The following GPR158 variants were observed in gnomAD, a reference collection of about 807,000 sequenced individuals.
The protein encoded by GPR158 is G protein-coupled receptor 158.
In GPR158, 30 loss-of-function variants were observed where a neutral mutation model predicts 78.2. The observed-to-expected ratio is 0.38, with a 90% CI of 0.29 to 0.52. GPR158 has a LOEUF of 0.52. Ranked by LOEUF, GPR158 falls within the 20% of genes least tolerant of loss-of-function variation. GPR158 has a pLI of 0.83. For synonymous variants in GPR158, 581 were observed against 591.1 expected, an observed-to-expected ratio of 0.98 and a Z score of 0.25; for missense variants, 1,463 against 1,523.5, an observed-to-expected ratio of 0.96 and a Z score of 0.66.
intron 2 of GPR158, among the ~76,000 whole-genome samples, chr10:25,228,798 A>G (rs773374815): frequency 3.3e-5 from 5 of 152,040 alleles, no homozygotes; most frequent in African/African-American, 4.8e-5. Context: ...TTGGGAGGCC[A>G]AGGCAGACGG....
intron 5 of GPR158, among the ~76,000 whole-genome samples, chr10:25,482,683 C>T (rs1835677609): frequency 6.6e-6 from 1 of 152,090 alleles, no homozygotes; most frequent in Non-Finnish European, 1.5e-5. Context: ...CCAACACCAC[C>T]CAAATTTATA....
At chr10:25,485,801 C>T (rs1202408453) in intron 5 of GPR158, among the ~76,000 whole-genome samples, 2 of 152,068 alleles carry the variant, frequency 1.3e-5, no homozygotes. Context: ...AGTGCTATCA[C>T]TAGGCTTTGG....
intron 1 of GPR158, among the ~76,000 whole-genome samples, chr10:25,199,106 A>G (rs1392460829): frequency 6.6e-6 from 1 of 150,996 alleles, no homozygotes; most frequent in African/African-American, 2.4e-5. Context: ...GTAGAGATCC[A>G]CTTTGGGCTC....
intron 4 of GPR158, among the ~76,000 whole-genome samples, chr10:25,421,912 T>C (rs1368599217): frequency 6.6e-6 from 1 of 152,232 alleles, no homozygotes; most frequent in Non-Finnish European, 1.5e-5. Context: ...TCACCACATT[T>C]AAGGAAATTG....
intron 2 of GPR158, among the ~76,000 whole-genome samples, chr10:25,312,350 A>G (rs80143199): frequency 1.3e-5 from 2 of 152,116 alleles, no homozygotes; most frequent in African/African-American, 4.8e-5. Flanking sequence ...AAAACATCAC[A>G]TTAAAATTAC....
intron 2 of GPR158, among the ~76,000 whole-genome samples, chr10:25,313,690 G>C (rs1854802713): frequency 6.6e-6 from 1 of 151,934 alleles, no homozygotes. Context: ...AATCTTATTT[G>C]GTCATGATGT....
intron 7 of GPR158, among the ~76,000 whole-genome samples, chr10:25,583,307 CACAG>C (rs576684669): frequency 3.9e-4 from 59 of 152,312 alleles, no homozygotes; most frequent in South Asian, 1.7e-3. Context: ...TTCCCAGCAG[CACAG>C]ACACTCAAAA....
chr10:25,393,959 C>T (rs1834335850), intron 2 of GPR158: 1 of 152,190 alleles, frequency 6.6e-6, no homozygotes, highest in South Asian at 2.1e-4. Context: ...ACAGCCCAGA[C>T]ATCTCTTCTA....
intron 7 of GPR158, among the ~76,000 whole-genome samples, chr10:25,588,301 C>A (rs924860483): frequency 1.3e-5 from 2 of 152,108 alleles, no homozygotes; most frequent in African/African-American, 4.8e-5. Context: ...AGGGATAGAG[C>A]CAGAGTCAGA....
intron 4 of GPR158, among the ~76,000 whole-genome samples, chr10:25,425,331 C>A (rs992634340): frequency 4.1e-4 from 62 of 152,062 alleles, no homozygotes; most frequent in African/African-American, 1.4e-3. Context: ...TTCAGCACAT[C>A]CATGCCAATG....
At chr10:25,183,646 A>G (rs1431520471) in intron 1 of GPR158, among the ~76,000 whole-genome samples, 2 of 152,174 alleles carry the variant, frequency 1.3e-5, no homozygotes, top group Non-Finnish European at 2.9e-5. Flanking sequence ...TCCTCATTTA[A>G]TAAATATGAC....
intron 7 of GPR158, among the ~76,000 whole-genome samples, chr10:25,573,448 G>A (rs1413243515): frequency 6.6e-6 from 1 of 152,230 alleles, no homozygotes; most frequent in African/African-American, 2.4e-5. Flanking sequence ...CATGCTCCAT[G>A]AGTGTAGTAA....
chr10:25,186,111 C>T (rs1485365245), intron 1 of GPR158, among the ~76,000 whole-genome samples: 1 of 152,144 alleles, frequency 6.6e-6, no homozygotes, highest in Non-Finnish European at 1.5e-5. Context: ...ACAACCTGCT[C>T]CTGAATGACT....
rs1267709362 is a variant in GPR158, at chr10:25,594,417, T to C, written c.1998+20T>C. The C allele has an allele frequency of 2.7e-6, 3 of 1,116,122 alleles. No individual in the cohort carries two copies. Among genetic ancestry groups the C allele is most frequent in the Non-Finnish European group, 3.9e-6 (3 of 764,302 alleles). 69.1% of individuals were successfully genotyped at this position (1,116,122 alleles called of 1,614,324 possible). A position where few individuals can be genotyped will look rare whatever the true frequency, so the allele number is the denominator to read the frequency against. ...CCAAAGGTATTCTTCTAATATTACT[T>C]TTTTTTTTGCAAAACTTATTTTTAA... On this transcript the variant is annotated intron_variant, in intron 9 of 10. Transcript: ENST00000376351.
At chr10:25,294,646 A>G (rs568444625) in intron 2 of GPR158, among the ~76,000 whole-genome samples, 4 of 152,258 alleles carry the variant, frequency 2.6e-5, no homozygotes, top group South Asian at 2.1e-4. Flanking sequence ...GGCAACCTCT[A>G]TGATTTGGAT....
At chr10:25,354,315 A>G (rs891478458) in intron 2 of GPR158, among the ~76,000 whole-genome samples, 2 of 151,324 alleles carry the variant, frequency 1.3e-5, no homozygotes, top group Admixed American at 1.3e-4. Context: ...AGATTGTGCC[A>G]TTGTACTCCA....
intron 2 of GPR158, among the ~76,000 whole-genome samples, chr10:25,256,880 T>C (rs1419718137): frequency 2.6e-5 from 4 of 152,090 alleles, no homozygotes; most frequent in Admixed American, 6.5e-5. Flanking sequence ...AGAATAAACA[T>C]AATAGGCTGA....
chr10:25,565,186 T>C (rs1306134217), intron 6 of GPR158, among the ~76,000 whole-genome samples: 1 of 152,214 alleles, frequency 6.6e-6, no homozygotes, highest in African/African-American at 2.4e-5. Flanking sequence ...GTTTAACTAA[T>C]TGGTCAATTA....
intron 5 of GPR158, among the ~76,000 whole-genome samples, chr10:25,541,826 T>C (rs921012144): frequency 1.3e-5 from 2 of 151,520 alleles, no homozygotes; most frequent in African/African-American, 4.8e-5. Flanking sequence ...GGCTTAATTC[T>C]TCCCATGTTG....
Sources: allele counts gnomAD v4.1 joint callset (sites outside exome capture counted in the v4.1 genomes callset), GRCh38; gene constraint gnomAD v4.1.1; transcripts MANE v1.5; gene names NCBI Gene and HGNC (gene_info 2026-07-23, HGNC 2026-07-21).